CNGA3: variants seen among roughly 807,000 people sequenced by gnomAD.
The protein encoded by CNGA3 is cyclic nucleotide gated channel subunit alpha 3, also known as cyclic nucleotide-gated channel alpha-3.
CNGA3 carries 42 observed loss-of-function variants against 46.6 expected under a neutral mutation model. The ratio of observed to expected loss-of-function variants is 0.90; its 90% CI spans 0.70 to 1.17. The LOEUF (loss-of-function observed/expected upper bound fraction) is 1.17. Among genes scored for constraint, CNGA3 ranks in the 50% most tolerant of loss-of-function variants. The pLI, the probability that CNGA3 is intolerant of heterozygous loss-of-function variation, is 0.00. For synonymous variants in CNGA3, 394 were observed against 369.4 expected, an observed-to-expected ratio of 1.07 and a Z score of -0.76; for missense variants, 893 against 890.7, an observed-to-expected ratio of 1.00 and a Z score of -0.03.
rs59952489 is a variant in CNGA3, at chr2:98,359,913, T to A, written c.-37-10026T>A. Among the ~76,000 whole-genome samples, 3 of 152,162 alleles carry A rather than the reference T, an allele frequency of 2.0e-5. No individual in the cohort carries two copies. In the East Asian group the frequency reaches 5.8e-4, roughly 29 times the overall value. ...ACAGAGAATCTGGGGGTTTGGGGCATTCAGACCATAGCTGGAGCAGGGGCA... is the reference window on the plus strand; with the variant it reads ...ACAGAGAATCTGGGGGTTTGGGGCAATCAGACCATAGCTGGAGCAGGGGCA... On this transcript the variant is annotated intron_variant, in intron 1 of 7. Transcript: ENST00000272602.
chr2:98,390,601 C>G (rs1362198944), intron 6 of CNGA3, among the ~76,000 whole-genome samples: 3 of 152,178 alleles, frequency 2.0e-5, no homozygotes, highest in Non-Finnish European at 4.4e-5. Flanking sequence ...CCAGAGGGAA[C>G]GTTCCTGAGC....
rs772982333 is a variant in CNGA3, at chr2:98,391,955, G to C, written c.658G>C (p.Val220Leu). Residue 220 changes from valine (V) to leucine (L), a missense_variant, in exon 7 of 8, where the codon GTA becomes CTA. Around this residue, in one of 3 missense-constraint regions of CNGA3, gnomAD observed 333 missense variants for 290.8 expected, o/e 1.15. Coordinates refer to ENST00000272602, the MANE Select transcript of CNGA3 (RefSeq NM_001298.3). Reference sequence around the variant, plus strand: ...TGTCCTGTATGTCTTGGATGTGCTTGTACGAGCTCGGACAGGTGAGTGTGC... The same window carrying C: ...TGTCCTGTATGTCTTGGATGTGCTTCTACGAGCTCGGACAGGTGAGTGTGC... ...ADVLYVLDVLVRARTGFLEQG... is the reference protein window; with the variant it reads ...ADVLYVLDVLLRARTGFLEQG... 1.2e-6 allele frequency: 2 copies of C among 1,613,878 alleles called. No individual in the cohort carries two copies. The highest frequency in any genetic ancestry group is 1.7e-6 in the Non-Finnish European group (2 of 1,179,990).
Position 98,380,352 on chromosome 2 carries a change from A to G in CNGA3, c.393A>G (p.Arg131=), listed in dbSNP as rs2104206079. The change falls in exon 4 of 8, where the codon AGA becomes AGG. Residue 131 remains arginine (R), a splice_region_variant and synonymous_variant. Coordinates refer to ENST00000272602, the MANE Select transcript of CNGA3 (RefSeq NM_001298.3). ...GCCAGGAGCCAGCAGACAGAGGGAG[A>G]AGGTAAGGAACGGAAAAGAAGAAGG... The part of the protein sequence containing the change: ...VGSQEPADRG[R]SAWPLAKCNT... 1.9e-6 allele frequency: 3 copies of G among 1,613,874 alleles called. No individual in the cohort carries two copies. The highest frequency in any genetic ancestry group is 2.5e-6 in the Non-Finnish European group (3 of 1,179,890).
intron 3 of CNGA3, among the ~76,000 whole-genome samples, chr2:98,379,284 A>G (rs1217640938): frequency 6.6e-6 from 1 of 152,262 alleles, no homozygotes; most frequent in Non-Finnish European, 1.5e-5. Context: ...GTGACAATTC[A>G]TAGCTTAGTT....
At chr2:98,367,167 G>GTTTTTTTT (rs1553447811) in intron 1 of CNGA3, among the ~76,000 whole-genome samples, 2 of 101,564 alleles carry the variant, frequency 2.0e-5, no homozygotes, top group Admixed American at 1.1e-4. Flanking sequence ...GACATCAGCT[G>GTTTTTTTT]TTTTTTTTCT....
intron 5 of CNGA3, among the ~76,000 whole-genome samples, chr2:98,383,711 A>AT (rs1692586566): frequency 6.6e-6 from 1 of 152,182 alleles, no homozygotes; most frequent in Non-Finnish European, 1.5e-5. Context: ...TGGATCAGAT[A>AT]AATGCTTTAA....
In CNGA3 at chr2:98,396,850, G is replaced by A. The variant is rs1207666489; in HGVS notation, c.1680G>A (p.Ser560=). Residue 560 remains serine (S), a synonymous_variant, in exon 8 of 8, where the codon TCG becomes TCA. Coordinates refer to ENST00000272602, the MANE Select transcript of CNGA3 (RefSeq NM_001298.3). The part of the protein sequence containing the change: ...ISILNIKGSK[S]GNRRTANIRS... ...TTCTGAACATCAAGGGGAGCAAGTC[G>A]GGGAACCGCAGGACGGCCAACATCC... 3.1e-6 allele frequency: 5 copies of A among 1,614,186 alleles called. No individual in the cohort carries two copies. Among genetic ancestry groups the A allele is most frequent in the Middle Eastern group, 1.6e-4 (1 of 6,062 alleles).
chr2:98,359,947 G>A (rs1489931719), intron 1 of CNGA3, among the ~76,000 whole-genome samples: 5 of 152,356 alleles, frequency 3.3e-5, no homozygotes, highest in African/African-American at 7.2e-5. Context: ...CAGGGTTCCC[G>A]GTGGGCATGG....
chr2:98,357,101 C>T (rs1310391512), intron 1 of CNGA3, among the ~76,000 whole-genome samples: 1 of 152,128 alleles, frequency 6.6e-6, no homozygotes, highest in Non-Finnish European at 1.5e-5. Flanking sequence ...ATGTATGTGC[C>T]GGGTGTTTGA....
rs181616312 is a variant in CNGA3 at position 98,395,905 on chromosome 2, G to A, written c.735G>A (p.Thr245=). 1.9e-5 allele frequency: 30 copies of A among 1,614,100 alleles called. No individual in the cohort carries two copies. Among genetic ancestry groups the A allele is most frequent in the Admixed American group, 3.3e-5 (2 of 60,022 alleles). Residue 245 remains threonine, a synonymous_variant, in exon 8 of 8, where the codon ACG becomes ACA. Coordinates refer to ENST00000272602, the MANE Select transcript of CNGA3 (RefSeq NM_001298.3). ...ACAGGCTGTGGCAGCATTACAAGACGACCACGCAGTTCAAGCTGGATGTGT... is the reference window on the plus strand; with the variant it reads ...ACAGGCTGTGGCAGCATTACAAGACAACCACGCAGTTCAAGCTGGATGTGT... ...DTNRLWQHYK[T]TTQFKLDVLS...
chr2:98,368,614 G>C (rs1054323432), intron 1 of CNGA3, among the ~76,000 whole-genome samples: 2 of 152,174 alleles, frequency 1.3e-5, no homozygotes, highest in African/African-American at 4.8e-5. Flanking sequence ...CTTCCCCACT[G>C]CCTAGACAGA....
At chr2:98,348,768 AAC>A (rs1691703378) in intron 1 of CNGA3, among the ~76,000 whole-genome samples, 1 of 152,188 alleles carries the variant, frequency 6.6e-6, no homozygotes, top group Non-Finnish European at 1.5e-5. Context: ...TGGTGGGAGA[AAC>A]AAAATTTTAA....
chr2:98,375,652 G>T (rs1692387867), intron 2 of CNGA3, among the ~76,000 whole-genome samples: 1 of 152,188 alleles, frequency 6.6e-6, no homozygotes, highest in Non-Finnish European at 1.5e-5. Context: ...TCAATCAGGT[G>T]GTTTGAAAAT....
At chr2:98,391,815 G>T (rs377125146) in intron 6 of CNGA3, 49 bp from the exon 7 acceptor site, 1 of 1,586,846 alleles carries the variant, frequency 6.3e-7, no homozygotes, top group South Asian at 1.1e-5. Context: ...GGTGGTCCAC[G>T]CTCCAGAAAC....
At chr2:98,390,158 CAG>C (rs1489486321) in intron 6 of CNGA3, among the ~76,000 whole-genome samples, 1 of 150,692 alleles carries the variant, frequency 6.6e-6, no homozygotes, top group Non-Finnish European at 1.5e-5. Context: ...TTTTTTGAGA[CAG>C]AGTCTCACTC....
intron 1 of CNGA3, among the ~76,000 whole-genome samples, chr2:98,358,164 A>G (rs1691931714): frequency 6.6e-6 from 1 of 152,280 alleles, no homozygotes; most frequent in South Asian, 2.1e-4. Flanking sequence ...AGGCAGGGCC[A>G]GATGTGAAAA....
At chr2:98,348,521 G>A (rs1239287977) in intron 1 of CNGA3, among the ~76,000 whole-genome samples, 2 of 152,124 alleles carry the variant, frequency 1.3e-5, no homozygotes, top group Non-Finnish European at 2.9e-5. Context: ...GGGCGGGGAC[G>A]GCAGTGACCA....
chr2:98,377,690 C>T lies in CNGA3; in HGVS notation c.105C>T (p.Ala35=). The part of the protein sequence containing the change: ...LNRAENGLSR[A]HSSSEETSSV... ...TGCTGCATATCTGATTTCCTAGAGCCCACTCGTCAAGTGAGGAGACATCGT... is the reference window on the plus strand; with the variant it reads ...TGCTGCATATCTGATTTCCTAGAGCTCACTCGTCAAGTGAGGAGACATCGT... The change falls in exon 3 of 8, where the codon GCC becomes GCT. Residue 35 remains alanine (A), a synonymous_variant. Transcript: ENST00000272602. 2 of 1,612,948 alleles carry T rather than the reference C, an allele frequency of 1.2e-6. No individual in the cohort carries two copies. Among genetic ancestry groups the T allele is most frequent in the Non-Finnish European group, 1.7e-6 (2 of 1,179,814 alleles).
chr2:98,388,331 G>C (rs1319565835), intron 5 of CNGA3, among the ~76,000 whole-genome samples: 1 of 152,230 alleles, frequency 6.6e-6, no homozygotes, highest in African/African-American at 2.4e-5. Context: ...ACACGAGGAG[G>C]AAGTACTGAA....
Sources: allele counts gnomAD v4.1 joint callset (sites outside exome capture counted in the v4.1 genomes callset), GRCh38; gene constraint gnomAD v4.1.1; regional missense constraint gnomAD v4.1.1; transcripts MANE v1.5; gene names NCBI Gene and HGNC (gene_info 2026-07-23, HGNC 2026-07-21).